The following PPP1R12C variants were observed in gnomAD, a reference collection of about 807,000 sequenced individuals.
PPP1R12C encodes leukocyte receptor cluster (LRC) encoded novel gene 3.
A neutral mutation model predicts 95.6 loss-of-function variants in PPP1R12C; 48 were observed. The ratio of observed to expected loss-of-function variants is 0.50; its 90% CI spans 0.40 to 0.64. PPP1R12C has a LOEUF of 0.64. PPP1R12C is among the 30% of genes least tolerant of loss of function. The probability of loss-of-function intolerance (pLI) is 0.00; values close to 1 mark genes in which losing one functional copy is unlikely to be tolerated. For synonymous variants in PPP1R12C, 480 were observed against 460.8 expected (o/e 1.04, Z -0.53); for missense variants, 1,057 against 1,083.3 (o/e 0.98, Z 0.34).
chr19:55,102,434 C>T (rs1164496235), intron 4 of PPP1R12C, among the ~76,000 whole-genome samples: 1 of 152,214 alleles, frequency 6.6e-6, no homozygotes, highest in African/African-American at 2.4e-5. Context: ...ATTCCTTGAA[C>T]CCAGGAGGTG....
In PPP1R12C at chr19:55,092,225, C is replaced by T. The variant is rs758482847; in HGVS notation, c.2157G>A (p.Thr719=). The T allele has an allele frequency of 1.6e-5, 25 of 1,572,482 alleles. No homozygotes were observed. The highest frequency in any genetic ancestry group is 2.2e-5 in the Non-Finnish European group (25 of 1,161,812). ...ACCCTGGCCTCGGCGCCCTTACCTGCGTGGCCCGCTCCAGCTCCACCTTGA... is the reference window on the plus strand; with the variant it reads ...ACCCTGGCCTCGGCGCCCTTACCTGTGTGGCCCGCTCCAGCTCCACCTTGA... ...AQLKVELERA[T]QRQERFAERP... is the part of the protein sequence containing the mutation. The change falls in exon 19 of 22, where the codon ACG becomes ACA. Residue 719 remains threonine, a synonymous_variant. Transcript: ENST00000263433.
At chr19:55,095,025 G>C (rs2147181971) in intron 11 of PPP1R12C, 1 of 688,808 alleles carries the variant, frequency 1.5e-6, no homozygotes, top group East Asian at 2.7e-5. Context: ...CTGAGAGCGG[G>C]AGGGTGTGCG....
In PPP1R12C at chr19:55,117,597, A is replaced by ACCGCCCGC; in HGVS notation, c.-55_-54insGCGGGCGG. On this transcript the variant is annotated 5_prime_UTR_variant, in exon 1 of 22. Coordinates refer to ENST00000263433, the MANE Select transcript of PPP1R12C (RefSeq NM_017607.4). ...CGAGCGCCGAGCCCCAACCGCCGCC[A>ACCGCCCGC]CCACCCGCCCGCCCGCCCGCCCCGG... is the stretch of plus-strand genomic sequence containing the variant. 3.2e-6 allele frequency: 3 copies of ACCGCCCGC among 931,672 alleles called. No individual in the cohort carries two copies. The highest frequency in any genetic ancestry group is 5.0e-5 in the South Asian group (1 of 20,116). The allele number at this position is 931,672 out of a possible 1,614,324, so 57.7% of individuals were successfully genotyped here.
rs772012344 is a variant in PPP1R12C at position 55,099,060 on chromosome 19, C to T, written c.767G>A (p.Arg256Gln). Residue 256 changes from arginine (R) to glutamine (Q), a missense_variant, in exon 5 of 22, where the codon CGG becomes CAG. Arg to Gln is a conservative substitution (Grantham distance 43). This residue lies in a region of PPP1R12C where 282 missense variants were observed against 380.4 expected (regional missense o/e 0.74). Transcript: ENST00000263433. ...LLQAGYDPELRDGDGWTPLHA... is the reference protein window; with the variant it reads ...LLQAGYDPELQDGDGWTPLHA... ...CAGGGGAGTCCAGCCGTCCCCGTCC[C>T]GGAGCTCTGGGTCGTAGCCAGCCTG... 3.9e-6 allele frequency: 6 copies of T among 1,552,740 alleles called. No homozygotes were observed. Among genetic ancestry groups the T allele is most frequent in the Non-Finnish European group, 5.2e-6 (6 of 1,147,932 alleles).
At chr19:55,096,735 C>A in intron 6 of PPP1R12C, 2 of 362,580 alleles carry the variant, frequency 5.5e-6, no homozygotes, top group Non-Finnish European at 1.0e-5. Context: ...CGCAGTTCAC[C>A]ACCGTCTTCA....
chr19:55,107,110 T>G (rs1206772370), intron 3 of PPP1R12C, among the ~76,000 whole-genome samples: 1 of 151,606 alleles, frequency 6.6e-6, no homozygotes, highest in Non-Finnish European at 1.5e-5. Context: ...GGCCATAGAC[T>G]GCCTTTAAAA....
chr19:55,095,638 G>C, intron 9 of PPP1R12C, 35 bp from the exon 10 acceptor site: 1 of 1,524,046 alleles, frequency 6.6e-7, no homozygotes, highest in South Asian at 1.3e-5. Context: ...TAGAGAGAAA[G>C]GATCCCTCTT....
At chr19:55,105,003 C>G (rs967654328) in intron 3 of PPP1R12C, among the ~76,000 whole-genome samples, 1 of 151,662 alleles carries the variant, frequency 6.6e-6, no homozygotes, top group African/African-American at 2.4e-5. Context: ...AACTCCTGAC[C>G]TCATGATCCA....
Position 55,093,006 on chromosome 19 carries a change from C to G in PPP1R12C, c.1825+10G>C, listed in dbSNP as rs376389159. The G allele has an allele frequency of 5.7e-6, 9 of 1,569,526 alleles. No homozygotes were observed. The East Asian group carries it at 6.8e-5, about 12-fold the overall frequency. ...TCCCTGGGAATGACCTCCCCGAGAG[C>G]AGACCTCACCTCTCTGGGCAGGGCT... On this transcript the variant is annotated intron_variant, in intron 15 of 21. Transcript: ENST00000263433.
At chr19:55,095,381 G>C in intron 10 of PPP1R12C, 23 bp from the exon 11 acceptor site, 1 of 1,580,150 alleles carries the variant, frequency 6.3e-7, no homozygotes, top group Non-Finnish European at 8.6e-7. Context: ...GAGAAGGGGA[G>C]GAAGGGGCAG....
At chr19:55,113,652 C>A in intron 1 of PPP1R12C, 1 of 1,206,208 alleles carries the variant, frequency 8.3e-7, no homozygotes, top group Non-Finnish European at 1.0e-6. Flanking sequence ...GGATAAATTA[C>A]CCCCCAAGTC....
chr19:55,092,399 G>T, intron 18 of PPP1R12C, 43 bp downstream of exon 18: 4 of 1,577,590 alleles, frequency 2.5e-6, no homozygotes, highest in Non-Finnish European at 3.4e-6. Context: ...CAGGAAGCTG[G>T]GCACCCAGCA....
At position 55,117,316 on chromosome 19, in the gene PPP1R12C, A is replaced by C; in HGVS notation, c.228T>G (p.Pro76=). The part of the protein sequence containing the change: ...EARLMLRAAD[P]GPGAELDPAA... ...CGGGGTCGAGCTCGGCGCCGGGGCC[A>C]GGGTCGGCGGCGCGCAGCATCAGAC... is the stretch of plus-strand genomic sequence containing the variant. Residue 76 remains proline, a synonymous_variant, in exon 1 of 22, where the codon CCT becomes CCG. Transcript: ENST00000263433. 8.4e-7 allele frequency: 1 copy of C among 1,187,082 alleles called. No individual in the cohort carries two copies. Among genetic ancestry groups the C allele is most frequent in the Non-Finnish European group, 1.0e-6 (1 of 961,648 alleles). The allele number at this position is 1,187,082 out of a possible 1,614,324, so 73.5% of individuals were successfully genotyped here. A position where few individuals can be genotyped will look rare whatever the true frequency, so the allele number is the denominator to read the frequency against.
intron 6 of PPP1R12C, among the ~76,000 whole-genome samples, chr19:55,098,045 C>G (rs1304504000): frequency 6.6e-6 from 1 of 152,236 alleles, no homozygotes; most frequent in Admixed American, 6.5e-5. Flanking sequence ...GCCAACCTTT[C>G]AAAAGAGGAA....
intron 19 of PPP1R12C, 42 bp downstream of exon 19, chr19:55,092,180 C>A: frequency 6.7e-7 from 1 of 1,499,160 alleles, no homozygotes; most frequent in Non-Finnish European, 9.0e-7. Context: ...CCCACCCAGG[C>A]GGCCCTGCCA....
chr19:55,107,767 C>T (rs2085054194), intron 3 of PPP1R12C, among the ~76,000 whole-genome samples: 1 of 151,506 alleles, frequency 6.6e-6, no homozygotes, highest in African/African-American at 2.4e-5. Context: ...GGGTGCAGCA[C>T]ACCAACATGG....
intron 20 of PPP1R12C, 26 bp downstream of exon 20, chr19:55,091,832 GC>G: frequency 6.2e-7 from 1 of 1,613,148 alleles, no homozygotes. Context: ...GACGCCTCTG[GC>G]CCCCATCCCC....
Position 55,095,299 on chromosome 19 carries a change from G to C in PPP1R12C, c.1446C>G (p.Pro482=). 1.9e-6 allele frequency: 3 copies of C among 1,577,350 alleles called. No homozygotes were observed. Among genetic ancestry groups the C allele is most frequent in the South Asian group, 1.2e-5 (1 of 85,918 alleles). ...AGGCCCTGGGGACTCACAGGACAGA[G>C]GGCTCCGGCAGCTTCGGGGAGGGGG... ...TPTPSPKLPE[P]SVLSEVTKPP... is the part of the protein sequence containing the mutation. Residue 482 remains proline, a synonymous_variant, in exon 11 of 22, where the codon CCC becomes CCG. Transcript: ENST00000263433.
At position 55,094,500 on chromosome 19, in the gene PPP1R12C, C is replaced by T. The variant is rs1254687280; in HGVS notation, c.1593-65G>A. 10 of 1,603,496 alleles carry T rather than the reference C, an allele frequency of 6.2e-6. No individual in the cohort carries two copies. The Admixed American group carries it at 1.2e-4, about 19-fold the overall frequency. ...ACCCTGTCCCATTCCGTGGCTGACACCCTCCGCGGGAAGCAAGTTCTGTGG... is the reference window on the plus strand; with the variant it reads ...ACCCTGTCCCATTCCGTGGCTGACATCCTCCGCGGGAAGCAAGTTCTGTGG... On this transcript the variant is annotated intron_variant, in intron 12 of 21. Transcript: ENST00000263433.
Sources: gnomAD v4.1 joint callset for allele counts (sites outside exome capture counted in the v4.1 genomes callset) on GRCh38, gnomAD v4.1.1 for gene constraint, gnomAD v4.1.1 regional missense constraint, MANE v1.5 for transcripts, NCBI Gene and HGNC (gene_info 2026-07-23, HGNC 2026-07-21) for gene names.